The following WWOX variants were observed in gnomAD, a reference collection of about 807,000 sequenced individuals.
WWOX encodes WW domain containing oxidoreductase.
WWOX carries 69 observed loss-of-function variants against 46.2 expected under a neutral mutation model. That is an observed-to-expected ratio of 1.49 (90% CI 1.23 to 1.82). WWOX has a LOEUF of 1.82. Ranked by LOEUF, WWOX falls within the 40% of genes most tolerant of loss-of-function variation. The pLI is 0.00. For missense variants in WWOX, 919 were observed against 542.6 expected (o/e 1.69, Z -6.89); for synonymous variants, 359 against 202.6 (o/e 1.77, Z -6.56).
chr16:78,432,531 C>T lies in WWOX; in HGVS notation c.835C>T (p.Arg279Cys), dbSNP rs77314072. Residue 279 changes from arginine (R) to cysteine (C), a missense_variant, in exon 8 of 9, where the codon CGC (arginine) becomes TGC (cysteine). By Grantham distance (180) the Arg-to-Cys change is radical. Coordinates refer to ENST00000566780, the MANE Select transcript of WWOX (RefSeq NM_016373.4). The part of the protein sequence containing the change: ...NDSLGKLDFS[R>C]LSPTKNDYWA... ...CTCCTTGGGAAAACTGGACTTCAGT[C>T]GCCTCTCTCCAACAAAAAACGACTA... The T allele has an allele frequency of 8.3e-4, 1,335 of 1,614,092 alleles. 9 individuals are homozygous for T. The African/African-American group carries it at 0.015, about 18-fold the overall frequency.
intron 8 of WWOX, among the ~76,000 whole-genome samples, chr16:79,157,312 A>T (rs534205608): frequency 6.6e-6 from 1 of 151,980 alleles, no homozygotes; most frequent in Non-Finnish European, 1.5e-5. Context: ...GATTTTAAGA[A>T]CTATACCATC....
At chr16:78,525,710 G>C (rs143727241) in intron 8 of WWOX, 2 of 151,896 alleles carry the variant, frequency 1.3e-5, no homozygotes, top group Non-Finnish European at 2.9e-5. Context: ...TTCAATGACC[G>C]AGAATCTACC....
chr16:78,283,688 C>T (rs538380255), intron 5 of WWOX, among the ~76,000 whole-genome samples: 22 of 150,002 alleles, frequency 1.5e-4, no homozygotes, highest in South Asian at 1.1e-3. Flanking sequence ...CTTAAGACAT[C>T]GAAAAATTAA....
Position 78,747,627 on chromosome 16 carries a change from T to C in WWOX, c.1056+314875T>C, listed in dbSNP as rs575530246. Among the ~76,000 whole-genome samples, 37 of 152,220 alleles carry C rather than the reference T, an allele frequency of 2.4e-4. No homozygotes were observed. The East Asian group carries it at 6.8e-3, about 28-fold the overall frequency. ...GGTGGAGTCGAATTCAAACCCTGCC[T>C]CTCCTCACCCACTCTGTTTCTTTTC... On this transcript the variant is annotated intron_variant, in intron 8 of 8. Transcript: ENST00000566780.
intron 8 of WWOX, among the ~76,000 whole-genome samples, chr16:78,490,169 T>G (rs2151460157): frequency 6.6e-6 from 1 of 152,006 alleles, no homozygotes; most frequent in African/African-American, 2.4e-5. Context: ...GGCGTTGGCT[T>G]TTACTTGGGG....
At chr16:79,060,685 A>G (rs2048342878) in intron 8 of WWOX, among the ~76,000 whole-genome samples, 1 of 152,156 alleles carries the variant, frequency 6.6e-6, no homozygotes, top group Admixed American at 6.5e-5. Flanking sequence ...CGGAGCTACA[A>G]TTTTTATCTT....
chr16:78,686,348 A>T (rs1043544932), intron 8 of WWOX, among the ~76,000 whole-genome samples: 1 of 151,826 alleles, frequency 6.6e-6, no homozygotes, highest in Non-Finnish European at 1.5e-5. Context: ...CGCCTCTACT[A>T]AAAATACAAA....
In WWOX at chr16:78,849,935, G is replaced by A. The variant is rs576113978; in HGVS notation, c.1057-361673G>A. On this transcript the variant is annotated intron_variant, in intron 8 of 8. Transcript: ENST00000566780. ...TTAAAATACAAAATTAGCCGGGTGT[G>A]ATGGCACAGGCCTGTAATCCCAGCT... Among the ~76,000 whole-genome samples, 15 of 152,218 alleles carry A rather than the reference G, an allele frequency of 9.9e-5. No individual in the cohort carries two copies. The South Asian group carries it at 3.1e-3, about 32-fold the overall frequency.
At position 78,220,716 on chromosome 16, in the gene WWOX, G is replaced by T. The variant is rs567176084; in HGVS notation, c.516+56427G>T. Among the ~76,000 whole-genome samples the T allele has an allele frequency of 3.3e-5, 5 of 152,316 alleles. No individual in the cohort carries two copies. In the East Asian group the frequency reaches 9.6e-4, roughly 29 times the overall value. On this transcript the variant is annotated intron_variant, in intron 5 of 8. Coordinates refer to ENST00000566780, the MANE Select transcript of WWOX (RefSeq NM_016373.4). ...TTAATGTGGAAAGCAGTTTACAAAT[G>T]CTGGTATGACTAACAAGAATGAAAG...
intron 8 of WWOX, among the ~76,000 whole-genome samples, chr16:78,672,977 G>A (rs1024695556): frequency 3.9e-5 from 6 of 152,198 alleles, no homozygotes; most frequent in African/African-American, 1.2e-4. Context: ...TGAGAGCCCC[G>A]GCCACCGCCG....
intron 8 of WWOX, among the ~76,000 whole-genome samples, chr16:78,840,178 G>A (rs2052100190): frequency 2.0e-5 from 3 of 152,148 alleles, no homozygotes; most frequent in Admixed American, 1.3e-4. Flanking sequence ...CCCTCAGTGT[G>A]TACTTGTGGA....
At chr16:78,813,167 A>C (rs750586106) in intron 8 of WWOX, among the ~76,000 whole-genome samples, 9 of 152,104 alleles carry the variant, frequency 5.9e-5, no homozygotes, top group Non-Finnish European at 8.8e-5. Context: ...CAGCATCTCA[A>C]ATGTACCTTT....
intron 8 of WWOX, among the ~76,000 whole-genome samples, chr16:78,780,636 A>G (rs953082212): frequency 6.6e-6 from 1 of 152,188 alleles, no homozygotes; most frequent in Non-Finnish European, 1.5e-5. Context: ...TAAGGAGGTG[A>G]TGTTTGAACT....
At chr16:79,120,634 CTT>C (rs2049610371) in intron 8 of WWOX, among the ~76,000 whole-genome samples, 1 of 152,210 alleles carries the variant, frequency 6.6e-6, no homozygotes, top group Non-Finnish European at 1.5e-5. Context: ...CTAGAGGAGA[CTT>C]TGTTCTTCGC....
At chr16:78,409,204 A>AT (rs925594045) in intron 6 of WWOX, among the ~76,000 whole-genome samples, 14 of 151,758 alleles carry the variant, frequency 9.2e-5, no homozygotes, top group East Asian at 5.8e-4. Flanking sequence ...TTTAAAAAAA[A>AT]TTTTTTTTTG....
intron 8 of WWOX, among the ~76,000 whole-genome samples, chr16:79,031,912 A>ATC (rs1362480189): frequency 1.6e-5 from 2 of 123,624 alleles, no homozygotes; most frequent in African/African-American, 2.9e-5. Flanking sequence ...ATATATATAG[A>ATC]TATCTATATA....
intron 4 of WWOX, chr16:78,123,991 G>A (rs2033246834): frequency 6.6e-6 from 1 of 151,992 alleles, no homozygotes; most frequent in Admixed American, 6.6e-5. Flanking sequence ...TCTTAGGGAG[G>A]GTAATTTTTG....
chr16:78,475,823 G>T (rs565087634), intron 8 of WWOX, among the ~76,000 whole-genome samples: 44 of 152,234 alleles, frequency 2.9e-4, no homozygotes, highest in African/African-American at 1.0e-3. Context: ...TTGAACTCCT[G>T]AATTCAAATG....
chr16:79,194,265 T>G (rs1470860750), intron 8 of WWOX, among the ~76,000 whole-genome samples: 4 of 152,166 alleles, frequency 2.6e-5, no homozygotes, highest in African/African-American at 9.7e-5. Context: ...TGAGTTGGAT[T>G]GATATATTTT....
Sources: gnomAD v4.1 joint callset for allele counts (sites outside exome capture counted in the v4.1 genomes callset) on GRCh38, gnomAD v4.1.1 for gene constraint, MANE v1.5 for transcripts, NCBI Gene and HGNC (gene_info 2026-07-23, HGNC 2026-07-21) for gene names.